The following MBNL2 variants were observed in gnomAD, a reference collection of about 807,000 sequenced individuals.
MBNL2 encodes muscleblind-like protein 2.
In MBNL2, 17 loss-of-function variants were observed where a neutral mutation model predicts 41.9. The observed-to-expected ratio is 0.41, with a 90% confidence interval of 0.28 to 0.61. MBNL2 has a LOEUF of 0.61. MBNL2 is among the 20% of genes least tolerant of loss of function. The pLI, the probability that MBNL2 is intolerant of heterozygous loss-of-function variation, is 0.35. For missense variants in MBNL2, 336 were observed against 505.6 expected (o/e 0.66, Z 3.22); for synonymous variants, 195 against 182.9 (o/e 1.07, Z -0.53).
chr13:97,361,801 G>A lies in MBNL2; in HGVS notation c.1013-3335G>A, dbSNP rs370862025. Among the ~76,000 whole-genome samples, 79 of 113,950 alleles carry A rather than the reference G, an allele frequency of 6.9e-4. 2 individuals carry two copies. In the South Asian group the frequency reaches 0.022, roughly 32 times the overall value. The allele number at this position is 113,950 out of a possible 152,430, so 74.8% of individuals were successfully genotyped here. ...TTTTTTTTTTTTGAGACAGAGTCTC[G>A]CTCTGTCACCCAGGCTGGAGTGCAG... On this transcript the variant is annotated intron_variant, in intron 7 of 8. Coordinates refer to ENST00000679496, the MANE Select transcript of MBNL2 (RefSeq NM_001382683.1).
chr13:97,316,259 T>G (rs2059042745), intron 2 of MBNL2, among the ~76,000 whole-genome samples: 1 of 152,120 alleles, frequency 6.6e-6, no homozygotes, highest in South Asian at 2.1e-4. Flanking sequence ...GGCTCCACCT[T>G]CCTCCACTGC....
chr13:97,242,617 C>G (rs916422062), intron 1 of MBNL2, among the ~76,000 whole-genome samples: 3 of 152,106 alleles, frequency 2.0e-5, no homozygotes, highest in Non-Finnish European at 2.9e-5. Flanking sequence ...CCCCAGTCCC[C>G]GAGAAATGTA....
At chr13:97,187,593 TAAAA>T in the MBNL2 span, among the ~76,000 whole-genome samples, 831 of 51,410 alleles carry the variant, frequency 0.016, 15 homozygotes, top group African/African-American at 0.058. Context: ...CTATGCAGCT[TAAAA>T]AAAAAAAAAA....
At chr13:97,276,608 A>G (rs1395809929) in intron 2 of MBNL2, among the ~76,000 whole-genome samples, 199 bp downstream of exon 2, 1 of 152,226 alleles carries the variant, frequency 6.6e-6, no homozygotes, top group Non-Finnish European at 1.5e-5. Flanking sequence ...TGTTTAAATT[A>G]AAAATACATG....
the MBNL2 span, among the ~76,000 whole-genome samples, chr13:97,189,199 C>T: frequency 6.6e-6 from 1 of 152,146 alleles, no homozygotes; most frequent in East Asian, 1.9e-4. Flanking sequence ...TGGCCATCTC[C>T]ACACTTCTTA....
chr13:97,195,306 A>G, the MBNL2 span, among the ~76,000 whole-genome samples: 1 of 151,852 alleles, frequency 6.6e-6, no homozygotes, highest in Non-Finnish European at 1.5e-5. Context: ...AAGGGTGCCA[A>G]CTCATACCTT....
chr13:97,193,026 AC>A, the MBNL2 span, among the ~76,000 whole-genome samples: 6 of 152,224 alleles, frequency 3.9e-5, no homozygotes, highest in Non-Finnish European at 7.3e-5. Context: ...TCCACTTCCC[AC>A]CCAAGTCTAA....
chr13:97,365,097 CT>C, intron 7 of MBNL2, 38 bp from the exon 8 acceptor site: 1 of 1,407,012 alleles, frequency 7.1e-7, no homozygotes, highest in Non-Finnish European at 1.0e-6. Flanking sequence ...GTTTCTTTCC[CT>C]TTATTCACTT....
intron 2 of MBNL2, among the ~76,000 whole-genome samples, chr13:97,323,174 C>G (rs74106912): frequency 0.021 from 3,250 of 152,236 alleles, 108 homozygotes; most frequent in African/African-American, 0.075. Context: ...TCCAGGCAGC[C>G]TTCTGTGGGG....
At chr13:97,224,070 G>T (rs1216325390) in intron 1 of MBNL2, among the ~76,000 whole-genome samples, 1 of 152,100 alleles carries the variant, frequency 6.6e-6, no homozygotes, top group Non-Finnish European at 1.5e-5. Context: ...GCCACATGTC[G>T]GGCCGGTCAG....
chr13:97,183,303 A>G, the MBNL2 span, among the ~76,000 whole-genome samples: 2 of 152,164 alleles, frequency 1.3e-5, no homozygotes, highest in Non-Finnish European at 2.9e-5. Flanking sequence ...TCTATCTTTC[A>G]TAGTAGTTAC....
chr13:97,366,338 C>T lies in MBNL2; in HGVS notation c.1048+1167C>T. Reference sequence around the variant, plus strand: ...CTTGCTTTGCATTGTGATTGCATGCCATCTGCTGGTTTAACCCATGATGGC... The same window carrying T: ...CTTGCTTTGCATTGTGATTGCATGCTATCTGCTGGTTTAACCCATGATGGC... On this transcript the variant is annotated intron_variant, in intron 8 of 8. Coordinates refer to ENST00000679496, the MANE Select transcript of MBNL2 (RefSeq NM_001382683.1). This position sits in a 1 kb window ranked among gnomAD's most constrained non-coding sequence, Gnocchi z 4.7. 1.7e-6 allele frequency: 1 copy of T among 590,004 alleles called. No individual in the cohort carries two copies. Among genetic ancestry groups the T allele is most frequent in the East Asian group, 2.7e-5 (1 of 36,742 alleles). The allele number at this position is 590,004 out of a possible 1,614,324, so 36.5% of individuals were successfully genotyped here.
intron 2 of MBNL2, among the ~76,000 whole-genome samples, chr13:97,280,999 G>A (rs947790427): frequency 6.6e-6 from 1 of 152,140 alleles, no homozygotes; most frequent in African/African-American, 2.4e-5. Flanking sequence ...TTGTTTATTG[G>A]TTGATTATCT....
intron 2 of MBNL2, among the ~76,000 whole-genome samples, chr13:97,300,548 G>GAGGCGGAGCCC (rs2057513730): frequency 6.6e-6 from 1 of 152,186 alleles, no homozygotes; most frequent in East Asian, 1.9e-4. Context: ...GATCTGACAG[G>GAGGCGGAGCCC]AGGCGGAGCT....
chr13:97,323,318 T>A (rs183654962), intron 2 of MBNL2, among the ~76,000 whole-genome samples: 32 of 152,312 alleles, frequency 2.1e-4, no homozygotes, highest in Admixed American at 5.2e-4. Flanking sequence ...TGCTAAGGAC[T>A]GATGATAATA....
At position 97,261,554 on chromosome 13, in the gene MBNL2, T is replaced by C. The variant is rs149205461; in HGVS notation, c.-604-14078T>C. On this transcript the variant is annotated intron_variant, in intron 1 of 8. Coordinates refer to ENST00000679496, the MANE Select transcript of MBNL2 (RefSeq NM_001382683.1). Reference sequence around the variant, plus strand: ...TGGCCAAGGGTAGATGGAGACAGCATAACCATTCATCTCAGAATAAATTAA... The same window carrying C: ...TGGCCAAGGGTAGATGGAGACAGCACAACCATTCATCTCAGAATAAATTAA... Among the ~76,000 whole-genome samples, 257 of 152,320 alleles carry C rather than the reference T, an allele frequency of 1.7e-3. 2 individuals are homozygous for C. The highest frequency in any genetic ancestry group is 6.8e-3 in the Middle Eastern group (2 of 294).
chr13:97,382,714 A>G (rs1455175927), intron 8 of MBNL2, among the ~76,000 whole-genome samples: 3 of 139,554 alleles, frequency 2.1e-5, no homozygotes, highest in Non-Finnish European at 4.5e-5. Context: ...TCACTCTGTC[A>G]CCGAGGCTGG....
At chr13:97,201,304 C>A in the MBNL2 span, among the ~76,000 whole-genome samples, 1 of 152,166 alleles carries the variant, frequency 6.6e-6, no homozygotes, top group African/African-American at 2.4e-5. Flanking sequence ...CTTTTTCCTT[C>A]ATGTCACATA....
In MBNL2 at chr13:97,347,034, C is replaced by T. The variant is rs780812541; in HGVS notation, c.771C>T (p.Ala257=). 40 of 1,610,760 alleles carry T rather than the reference C, an allele frequency of 2.5e-5. No individual in the cohort carries two copies. The highest frequency in any genetic ancestry group is 3.4e-5 in the Non-Finnish European group (40 of 1,178,580). The change falls in exon 5 of 9, where the codon GCC becomes GCT. Residue 257 remains alanine (A), a synonymous_variant. Transcript: ENST00000679496. ...ACCAAGCCAACCAAGCTGCGGTGGC[C>T]GCCCAGGCAGCCGCGGCCGCGGCCA... ...AQHQANQAAV[A]AQAAAAAATV...
Sources: gnomAD v4.1 joint callset for allele counts (sites outside exome capture counted in the v4.1 genomes callset) on GRCh38, gnomAD v4.1.1 for gene constraint, Gnocchi (gnomAD v3.1) non-coding constraint, MANE v1.5 for transcripts, NCBI Gene and HGNC (gene_info 2026-07-23, HGNC 2026-07-21) for gene names.